ATG10: variants seen among roughly 807,000 people sequenced by gnomAD.
ATG10 encodes ubiquitin-like-conjugating enzyme ATG10.
A neutral mutation model predicts 32.1 loss-of-function variants in ATG10; 30 were observed. The observed-to-expected ratio is 0.94, with a 90% CI of 0.70 to 1.27. The LOEUF is 1.27. Among genes scored for constraint, ATG10 ranks in the 50% most tolerant of loss-of-function variants. ATG10 has a pLI of 0.00. For missense variants in ATG10, 233 were observed against 262.3 expected, an observed-to-expected ratio of 0.89 and a Z score of 0.77; for synonymous variants, 87 against 91.5, an observed-to-expected ratio of 0.95 and a Z score of 0.28.
chr5:82,085,140 T>C (rs529923065), intron 3 of ATG10, among the ~76,000 whole-genome samples: 38 of 152,128 alleles, frequency 2.5e-4, no homozygotes, highest in Non-Finnish European at 5.3e-4. Context: ...GAGGCAGATC[T>C]ACCAAGCAAA....
At chr5:82,133,115 C>A (rs1009042106) in intron 3 of ATG10, among the ~76,000 whole-genome samples, 9 of 152,056 alleles carry the variant, frequency 5.9e-5, no homozygotes, top group Non-Finnish European at 1.3e-4. Context: ...TGTTTAAGTT[C>A]TTTGTAGATT....
intron 3 of ATG10, among the ~76,000 whole-genome samples, chr5:82,133,247 C>G (rs951940664): frequency 2.6e-5 from 4 of 152,076 alleles, no homozygotes; most frequent in Non-Finnish European, 4.4e-5. Flanking sequence ...TTAATTAGAT[C>G]CCATTTTTTA....
intron 3 of ATG10, among the ~76,000 whole-genome samples, chr5:82,124,632 T>C (rs930178570): frequency 2.0e-5 from 3 of 151,600 alleles, no homozygotes; most frequent in African/African-American, 7.3e-5. Flanking sequence ...ATGAACTCAT[T>C]CTTTTTTAGG....
At chr5:82,144,395 GAAAGTTA>G (rs1437672084) in intron 3 of ATG10, among the ~76,000 whole-genome samples, 1 of 151,652 alleles carries the variant, frequency 6.6e-6, no homozygotes. Context: ...TTTTAAGGTT[GAAAGTTA>G]AGTAACTGAT....
rs558002585 is a variant in ATG10, at chr5:82,044,330, C to A, written c.109-14165C>A. 3.3e-5 allele frequency among the ~76,000 whole-genome samples: 5 copies of A among 152,198 alleles called. No homozygotes were observed. In the South Asian group the frequency reaches 1.0e-3, roughly 32 times the overall value. On this transcript the variant is annotated intron_variant, in intron 2 of 7. Transcript: ENST00000282185. ...AAGGGGAAAATCCAACCCCATGATCCGTTTACCTCCCACCAGGCCCCTCCT... is the reference window on the plus strand; with the variant it reads ...AAGGGGAAAATCCAACCCCATGATCAGTTTACCTCCCACCAGGCCCCTCCT...
chr5:82,190,375 C>T (rs1320847012), intron 5 of ATG10, among the ~76,000 whole-genome samples: 11 of 151,738 alleles, frequency 7.2e-5, no homozygotes, highest in Non-Finnish European at 1.6e-4. Flanking sequence ...TAAAAATACA[C>T]ATGCAAATGA....
chr5:82,123,729 G>A (rs1051027312), intron 3 of ATG10, among the ~76,000 whole-genome samples: 2 of 125,716 alleles, frequency 1.6e-5, no homozygotes, highest in East Asian at 4.6e-4. Context: ...AGGAGTTCTA[G>A]ACCAGCTTGG....
intron 3 of ATG10, among the ~76,000 whole-genome samples, chr5:82,089,011 T>C (rs1429000820): frequency 6.6e-6 from 1 of 152,142 alleles, no homozygotes; most frequent in African/African-American, 2.4e-5. Context: ...TGGGAGGAAT[T>C]AGTTTACCTG....
At chr5:82,117,099 G>A (rs549516215) in intron 3 of ATG10, among the ~76,000 whole-genome samples, 53 of 152,120 alleles carry the variant, frequency 3.5e-4, no homozygotes, top group African/African-American at 1.3e-3. Flanking sequence ...CTTACTATAT[G>A]TTCTTATTGA....
intron 4 of ATG10, among the ~76,000 whole-genome samples, chr5:82,175,982 A>G (rs1179878275): frequency 2.0e-5 from 3 of 152,162 alleles, no homozygotes; most frequent in African/African-American, 4.8e-5. Flanking sequence ...AAGGCTTGGA[A>G]CAGATGCCTG....
chr5:82,083,926 C>G (rs964771050), intron 3 of ATG10, among the ~76,000 whole-genome samples: 4 of 152,186 alleles, frequency 2.6e-5, no homozygotes, highest in Non-Finnish European at 5.9e-5. Context: ...CTCTTCTCCT[C>G]CAAAGGAATG....
At chr5:82,112,716 T>C (rs1418582837) in intron 3 of ATG10, among the ~76,000 whole-genome samples, 2 of 151,880 alleles carry the variant, frequency 1.3e-5, no homozygotes, top group African/African-American at 2.4e-5. Flanking sequence ...TTTACATATA[T>C]GTTTAAAGGT....
chr5:82,104,793 A>C (rs1581694302), intron 3 of ATG10, among the ~76,000 whole-genome samples: 1 of 152,188 alleles, frequency 6.6e-6, no homozygotes. Context: ...TTAAACCTAT[A>C]TATGAGATTA....
chr5:82,165,905 C>A (rs1160892463), intron 4 of ATG10, among the ~76,000 whole-genome samples: 5 of 152,162 alleles, frequency 3.3e-5, no homozygotes, highest in African/African-American at 9.7e-5. Context: ...GACATTACTT[C>A]TTCAATACTG....
intron 5 of ATG10, among the ~76,000 whole-genome samples, chr5:82,182,932 T>TG (rs1459932990): frequency 1.3e-5 from 2 of 152,020 alleles, no homozygotes; most frequent in South Asian, 4.1e-4. Context: ...AAAGTAGAGA[T>TG]GGGGGTCTTA....
chr5:82,140,947 C>G lies in ATG10; in HGVS notation c.217-23452C>G, dbSNP rs558852865. ...ACCCCCAACCCTGTGCTCTCTGAAA[C>G]ATGTGCTGTGTCCACTCAGGGTTAA... On this transcript the variant is annotated intron_variant, in intron 3 of 7. Transcript: ENST00000282185. Among the ~76,000 whole-genome samples the G allele has an allele frequency of 1.9e-3, 143 of 75,152 alleles. 1 individual carries two copies. The highest frequency in any genetic ancestry group is 4.2e-3 in the Middle Eastern group (1 of 238). The allele number at this position is 75,152 out of a possible 152,430, so 49.3% of individuals were successfully genotyped here. A position where few individuals can be genotyped will look rare whatever the true frequency, so the allele number is the denominator to read the frequency against.
intron 5 of ATG10, among the ~76,000 whole-genome samples, chr5:82,191,701 C>T (rs766794707): frequency 6.6e-6 from 1 of 152,098 alleles, no homozygotes; most frequent in Non-Finnish European, 1.5e-5. Context: ...ATTCTCAAAA[C>T]GGTATTGTAT....
chr5:82,196,233 T>A (rs138397893), intron 5 of ATG10, among the ~76,000 whole-genome samples: 163 of 152,288 alleles, frequency 1.1e-3, no homozygotes, highest in Middle Eastern at 6.8e-3. Context: ...TAAAATTAGT[T>A]TTTTTTCATT....
At chr5:82,165,375 G>A (rs1743533798) in intron 4 of ATG10, among the ~76,000 whole-genome samples, 1 of 152,204 alleles carries the variant, frequency 6.6e-6, no homozygotes, top group African/African-American at 2.4e-5. Flanking sequence ...TTTAGCCAAT[G>A]ATATTTTATT....
Sources: gnomAD v4.1 joint callset for allele counts (sites outside exome capture counted in the v4.1 genomes callset) on GRCh38, gnomAD v4.1.1 for gene constraint, MANE v1.5 for transcripts, NCBI Gene and HGNC (gene_info 2026-07-23, HGNC 2026-07-21) for gene names.